Variants in FNDC3A observed in about 807,000 individuals in gnomAD.
The protein encoded by FNDC3A is fibronectin type-III domain-containing protein 3A.
Under a neutral mutation model 148.9 loss-of-function variants are expected in FNDC3A, and 32 were observed. The observed-to-expected ratio is 0.21, with a 90% CI of 0.16 to 0.29. The LOEUF (loss-of-function observed/expected upper bound fraction) is 0.29. Among genes scored for constraint, FNDC3A ranks in the 10% least tolerant of loss-of-function variants. The probability of loss-of-function intolerance (pLI) is 1.00; values close to 1 mark genes in which losing one functional copy is unlikely to be tolerated. For synonymous variants in FNDC3A, 472 were observed against 473.6 expected (o/e 1.00, Z 0.04); for missense variants, 1,191 against 1,452.8 (o/e 0.82, Z 2.93).
chr13:49,152,525 T>G (rs1883370512), intron 8 of FNDC3A, among the ~76,000 whole-genome samples: 1 of 151,180 alleles, frequency 6.6e-6, no homozygotes, highest in Non-Finnish European at 1.5e-5. Context: ...TTTTTTTTAA[T>G]TATACTTTAA....
chr13:49,160,518 T>A (rs1489332989), intron 8 of FNDC3A, among the ~76,000 whole-genome samples: 2 of 151,440 alleles, frequency 1.3e-5, no homozygotes, highest in African/African-American at 2.4e-5. Flanking sequence ...TTTTCTTCTT[T>A]ATTAGTCTTG....
At chr13:49,099,962 A>G (rs979725766) in intron 3 of FNDC3A, among the ~76,000 whole-genome samples, 5 of 152,172 alleles carry the variant, frequency 3.3e-5, no homozygotes, top group African/African-American at 1.2e-4. Flanking sequence ...TTTATAAACC[A>G]TAAAATACAA....
In FNDC3A at chr13:49,060,407, G is replaced by A. The variant is rs531870413; in HGVS notation, c.100-14882G>A. Reference sequence around the variant, plus strand: ...GCCTGTAATCCCAGCACTTTGGAAGGCCAAGGTGGGCGGATCACCTGAAGT... The same window carrying A: ...GCCTGTAATCCCAGCACTTTGGAAGACCAAGGTGGGCGGATCACCTGAAGT... On this transcript the variant is annotated intron_variant, in intron 2 of 25. Transcript: ENST00000492622. Among the ~76,000 whole-genome samples the A allele has an allele frequency of 2.1e-3, 313 of 152,258 alleles. 3 individuals are homozygous for A. The highest frequency in any genetic ancestry group is 7.1e-3 in the African/African-American group (296 of 41,548).
At position 48,987,127 on chromosome 13, in the gene FNDC3A, A is replaced by G. The variant is rs1396031732; in HGVS notation, c.-40+10950A>G. Among the ~76,000 whole-genome samples, 8 of 152,376 alleles carry G rather than the reference A, an allele frequency of 5.3e-5. 1 individual carries two copies. The highest frequency in any genetic ancestry group is 2.0e-4 in the Admixed American group (3 of 15,312). ...TATAATATAAAAACTAAAGTTTTAT[A>G]TAATACTTCTAAAAAGGACAGTAAA... On this transcript the variant is annotated intron_variant, in intron 1 of 25. Transcript: ENST00000492622.
At chr13:49,008,183 G>T (rs1342694874) in intron 2 of FNDC3A, among the ~76,000 whole-genome samples, 4 of 152,142 alleles carry the variant, frequency 2.6e-5, no homozygotes, top group Admixed American at 6.6e-5. Context: ...AATAGAGATA[G>T]TTATAATAAG....
intron 2 of FNDC3A, among the ~76,000 whole-genome samples, chr13:49,013,292 G>A (rs1393779062): frequency 6.6e-6 from 1 of 152,044 alleles, no homozygotes; most frequent in African/African-American, 2.4e-5. Flanking sequence ...TCCAGTCTGG[G>A]CAACAGAGTG....
intron 23 of FNDC3A, 136 bp from the exon 24 acceptor site, chr13:49,201,664 C>G: frequency 2.4e-6 from 1 of 413,018 alleles, no homozygotes. Flanking sequence ...CATAGAGTTC[C>G]TGGCATCAAA....
intron 1 of FNDC3A, among the ~76,000 whole-genome samples, chr13:48,980,732 G>C (rs1951679711): frequency 6.6e-6 from 1 of 152,176 alleles, no homozygotes; most frequent in African/African-American, 2.4e-5. Context: ...ATTACCAGGT[G>C]AATAGTGATG....
At chr13:49,117,504 G>C (rs921778697) in intron 4 of FNDC3A, among the ~76,000 whole-genome samples, 17 of 151,740 alleles carry the variant, frequency 1.1e-4, no homozygotes, top group Admixed American at 9.2e-4. Context: ...CCACTTCTTG[G>C]TTATAATACA....
intron 7 of FNDC3A, among the ~76,000 whole-genome samples, chr13:49,143,567 G>A (rs1882808449): frequency 6.6e-6 from 1 of 152,018 alleles, no homozygotes; most frequent in South Asian, 2.1e-4. Context: ...TAACATTAGG[G>A]GAAGCTGGGT....
intron 2 of FNDC3A, among the ~76,000 whole-genome samples, chr13:49,025,746 T>C (rs962950041): frequency 3.3e-5 from 5 of 151,936 alleles, no homozygotes; most frequent in African/African-American, 4.8e-5. Context: ...GAAAAAAAAA[T>C]GCAAATTAAA....
chr13:49,049,258 T>G (rs1181570758), intron 2 of FNDC3A, among the ~76,000 whole-genome samples: 1 of 151,996 alleles, frequency 6.6e-6, no homozygotes, highest in Non-Finnish European at 1.5e-5. Flanking sequence ...GGGATATTGG[T>G]CTGTAGTTTT....
chr13:49,037,157 A>T (rs1473635602), intron 2 of FNDC3A, among the ~76,000 whole-genome samples: 1 of 152,198 alleles, frequency 6.6e-6, no homozygotes, highest in Non-Finnish European at 1.5e-5. Context: ...AAAGATCTAT[A>T]TTGATAAAAA....
intron 25 of FNDC3A, among the ~76,000 whole-genome samples, chr13:49,205,483 A>C (rs761039317): frequency 2.0e-5 from 3 of 152,214 alleles, no homozygotes; most frequent in Non-Finnish European, 4.4e-5. Context: ...GTTCCACCCA[A>C]AATCTGAAAC....
rs977443083 is a variant in FNDC3A at position 49,151,231 on chromosome 13, T to C, written c.977+5296T>C. ...ATTGGAGTCTGTCTCTCCCTTTAAA[T>C]CTAGCAATAATTGCTTTATATTTCT... On this transcript the variant is annotated intron_variant, in intron 8 of 25. Coordinates refer to ENST00000492622, the MANE Select transcript of FNDC3A (RefSeq NM_001079673.2). Among the ~76,000 whole-genome samples the C allele has an allele frequency of 4.6e-5, 7 of 152,342 alleles. No homozygotes were observed. In the East Asian group the frequency reaches 1.3e-3, roughly 29 times the overall value.
intron 4 of FNDC3A, among the ~76,000 whole-genome samples, chr13:49,115,958 C>T (rs534308675): frequency 6.6e-6 from 1 of 152,302 alleles, no homozygotes; most frequent in African/African-American, 2.4e-5. Flanking sequence ...TTTTCTACTT[C>T]TTTGTTGCAC....
At chr13:49,000,440 G>A (rs1429302331) in intron 1 of FNDC3A, among the ~76,000 whole-genome samples, 2 of 152,080 alleles carry the variant, frequency 1.3e-5, no homozygotes, top group African/African-American at 4.8e-5. Flanking sequence ...CTAGTCTGTT[G>A]TCTTCCTTTA....
chr13:49,080,713 G>A (rs1311244678), intron 3 of FNDC3A, among the ~76,000 whole-genome samples: 4 of 152,166 alleles, frequency 2.6e-5, no homozygotes, highest in Admixed American at 2.0e-4. Flanking sequence ...GTTTTATGTT[G>A]TGAAGAGTTA....
chr13:49,149,006 T>G (rs182526410), intron 8 of FNDC3A, among the ~76,000 whole-genome samples: 1 of 152,222 alleles, frequency 6.6e-6, no homozygotes, highest in Admixed American at 6.5e-5. Flanking sequence ...TCTCAGCTAG[T>G]TTATTATTAG....
Sources: allele counts gnomAD v4.1 joint callset (sites outside exome capture counted in the v4.1 genomes callset), GRCh38; gene constraint gnomAD v4.1.1; transcripts MANE v1.5; gene names NCBI Gene and HGNC (gene_info 2026-07-23, HGNC 2026-07-21).